The following ERICH6B variants were observed in gnomAD, a reference collection of about 807,000 sequenced individuals.
ERICH6B encodes the protein glutamate rich 6B.
Under a neutral mutation model 80.0 loss-of-function variants are expected in ERICH6B, and 69 were observed. That is an observed-to-expected ratio of 0.86 (90% CI 0.71 to 1.05). The LOEUF is 1.05. ERICH6B is among the 50% of genes least tolerant of loss of function. The pLI is 0.00. For missense variants in ERICH6B, 754 were observed against 796.1 expected (o/e 0.95, Z 0.64); for synonymous variants, 283 against 291.9 (o/e 0.97, Z 0.31).
At chr13:45,566,942 G>T (rs577772702) in intron 9 of ERICH6B, among the ~76,000 whole-genome samples, 67 of 152,342 alleles carry the variant, frequency 4.4e-4, no homozygotes, top group African/African-American at 1.6e-3. Context: ...TGGGAGGGAG[G>T]CTATACCCTG....
intron 14 of ERICH6B, among the ~76,000 whole-genome samples, chr13:45,544,295 G>A (rs890649157): frequency 3.3e-5 from 5 of 152,118 alleles, no homozygotes; most frequent in Non-Finnish European, 7.4e-5. Flanking sequence ...GGCTGGTCTC[G>A]AACTCCTGGC....
chr13:45,596,960 G>C lies in ERICH6B; in HGVS notation c.46C>G (p.Pro16Ala), dbSNP rs1876422887. The C allele has an allele frequency of 6.4e-7, 1 of 1,551,386 alleles. No individual in the cohort carries two copies. The highest frequency in any genetic ancestry group is 8.7e-7 in the Non-Finnish European group (1 of 1,146,876). The change falls in exon 3 of 15, where the codon CCT becomes GCT. Residue 16 changes from proline (P) to alanine (A), a missense_variant. Coordinates refer to ENST00000298738, the MANE Select transcript of ERICH6B (RefSeq NM_182542.3). ...NQLSGASPPH[P>A]PTTPQYSTQN... is the part of the protein sequence containing the mutation. ...GTGGAATATTGGGGAGTTGTGGGAGGGTGAGGAGGTGATGCTCCTGATAAC... is the reference window on the plus strand; with the variant it reads ...GTGGAATATTGGGGAGTTGTGGGAGCGTGAGGAGGTGATGCTCCTGATAAC...
At chr13:45,590,536 C>T (rs1397161419) in intron 4 of ERICH6B, 113 bp downstream of exon 4, 3 of 1,019,480 alleles carry the variant, frequency 2.9e-6, no homozygotes, top group Non-Finnish European at 4.3e-6. Context: ...CACTAAACTC[C>T]TTCTTCCTCC....
chr13:45,560,119 T>C (rs774628822), intron 11 of ERICH6B, among the ~76,000 whole-genome samples: 2 of 152,326 alleles, frequency 1.3e-5, no homozygotes, highest in Non-Finnish European at 2.9e-5. Context: ...CCTTTTATCA[T>C]TATATAATCT....
chr13:45,558,272 G>T (rs1413880301), intron 11 of ERICH6B, among the ~76,000 whole-genome samples: 3 of 152,124 alleles, frequency 2.0e-5, no homozygotes, highest in Non-Finnish European at 4.4e-5. Context: ...CTACTGATTT[G>T]TGTACACTAA....
chr13:45,598,797 G>T (rs1178390663), intron 2 of ERICH6B, among the ~76,000 whole-genome samples: 2 of 152,304 alleles, frequency 1.3e-5, no homozygotes, highest in African/African-American at 4.8e-5. Flanking sequence ...CCAGCTGCCA[G>T]CTCCTTCAGG....
At chr13:45,583,155 A>G (rs527816233) in intron 5 of ERICH6B, among the ~76,000 whole-genome samples, 18 of 152,266 alleles carry the variant, frequency 1.2e-4, no homozygotes, top group African/African-American at 4.3e-4. Context: ...CACTCTTTTC[A>G]GTTTGAGGAT....
chr13:45,593,812 C>T (rs1402249209), intron 3 of ERICH6B, among the ~76,000 whole-genome samples: 1 of 152,186 alleles, frequency 6.6e-6, no homozygotes, highest in African/African-American at 2.4e-5. Flanking sequence ...CCAGACAATC[C>T]CTCAAAATTC....
In ERICH6B at chr13:45,568,552, C is replaced by T. The variant is rs989680608; in HGVS notation, c.1051-101G>A. ...TCAAAGGTACTGTGTGACACTTCAA[C>T]ATATTATTCTAAAAATACAAAAATG... On this transcript the variant is annotated intron_variant, in intron 8 of 14. Transcript: ENST00000298738. 14 of 1,150,412 alleles carry T rather than the reference C, an allele frequency of 1.2e-5. No individual in the cohort carries two copies. In the African/African-American group the frequency reaches 1.8e-4, roughly 14 times the overall value. 71.3% of individuals were successfully genotyped at this position (1,150,412 alleles called of 1,614,324 possible). A position where few individuals can be genotyped will look rare whatever the true frequency, so the allele number is the denominator to read the frequency against.
In ERICH6B at chr13:45,544,802, A is replaced by G. The variant is rs1239592624; in HGVS notation, c.1830T>C (p.Tyr610=). Residue 610 remains tyrosine (Y), a synonymous_variant, in exon 14 of 15, where the codon TAT becomes TAC. Coordinates refer to ENST00000298738, the MANE Select transcript of ERICH6B (RefSeq NM_182542.3). ...GGTTTAAACAAATCTGCTTCTGTTC[A>G]TAGGTGAAGCAGAAGATGATCTTAT... ...SQDKIIFCFT[Y]EQKQICLNLG... is the part of the protein sequence containing the mutation. 3.9e-6 allele frequency: 6 copies of G among 1,551,564 alleles called. No individual in the cohort carries two copies. The highest frequency in any genetic ancestry group is 5.2e-6 in the Non-Finnish European group (6 of 1,146,980).
intron 11 of ERICH6B, among the ~76,000 whole-genome samples, chr13:45,557,787 T>C (rs1256528158): frequency 1.3e-5 from 2 of 152,252 alleles, no homozygotes; most frequent in Non-Finnish European, 1.5e-5. Context: ...TCCATTGGTC[T>C]ATGTGCCTAT....
intron 1 of ERICH6B, among the ~76,000 whole-genome samples, chr13:45,608,983 G>A (rs549124431): frequency 3.5e-4 from 54 of 152,280 alleles, no homozygotes; most frequent in South Asian, 2.3e-3. Flanking sequence ...GAATCAATCC[G>A]TAAGTCCTCT....
At chr13:45,557,145 G>A (rs1025011267) in intron 11 of ERICH6B, among the ~76,000 whole-genome samples, 1 of 152,204 alleles carries the variant, frequency 6.6e-6, no homozygotes, top group African/African-American at 2.4e-5. Flanking sequence ...GCAGGAGTAA[G>A]GTGGTATGGC....
At chr13:45,548,908 G>A (rs1265778230) in intron 13 of ERICH6B, among the ~76,000 whole-genome samples, 1 of 152,228 alleles carries the variant, frequency 6.6e-6, no homozygotes, top group African/African-American at 2.4e-5. Flanking sequence ...AAAAACCAAA[G>A]TCTGCAGAAT....
intron 5 of ERICH6B, among the ~76,000 whole-genome samples, chr13:45,581,770 C>T (rs2985944): frequency 1 from 151,863 of 152,338 alleles, 75,697 homozygotes; most frequent in Middle Eastern, 1. Context: ...AAATTCAAGA[C>T]GGACAGGGTA....
At chr13:45,549,282 CAAA>C (rs368067961) in intron 13 of ERICH6B, among the ~76,000 whole-genome samples, 1 of 99,582 alleles carries the variant, frequency 1.0e-5, no homozygotes, top group Non-Finnish European at 2.2e-5. Context: ...GACTCCGTCA[CAAA>C]AAAAAAAAAA....
chr13:45,587,744 C>T (rs369584277), intron 4 of ERICH6B, among the ~76,000 whole-genome samples: 18 of 152,316 alleles, frequency 1.2e-4, no homozygotes, highest in African/African-American at 3.9e-4. Flanking sequence ...GTGCAGGCTC[C>T]ACTACCTGGT....
At chr13:45,564,258 G>T (rs575982746) in intron 9 of ERICH6B, among the ~76,000 whole-genome samples, 4 of 152,206 alleles carry the variant, frequency 2.6e-5, no homozygotes, top group Non-Finnish European at 5.9e-5. Context: ...AAAGCCACAC[G>T]AGTCACAGCT....
chr13:45,602,280 T>G (rs549642131), intron 2 of ERICH6B, among the ~76,000 whole-genome samples: 1 of 152,306 alleles, frequency 6.6e-6, no homozygotes, highest in South Asian at 2.1e-4. Context: ...TGAGGGATTT[T>G]CTTGGTGATG....
Sources: allele counts gnomAD v4.1 joint callset (sites outside exome capture counted in the v4.1 genomes callset), GRCh38; gene constraint gnomAD v4.1.1; transcripts MANE v1.5; gene names NCBI Gene and HGNC (gene_info 2026-07-23, HGNC 2026-07-21).